KCNIP1: variants seen among roughly 807,000 people sequenced by gnomAD.
KCNIP1 encodes potassium voltage-gated channel interacting protein 1, also known as A-type potassium channel modulatory protein KCNIP1.
KCNIP1 carries 18 observed loss-of-function variants against 33.0 expected under a neutral mutation model. That is an observed-to-expected ratio of 0.55 (90% CI 0.38 to 0.81). The LOEUF (loss-of-function observed/expected upper bound fraction) is 0.81. KCNIP1 is among the 30% of genes least tolerant of loss of function. The pLI, the probability that KCNIP1 is intolerant of heterozygous loss-of-function variation, is 0.00. For synonymous variants in KCNIP1, 93 were observed against 98.3 expected (o/e 0.95, Z 0.32); for missense variants, 238 against 271.6 (o/e 0.88, Z 0.87).
intron 1 of KCNIP1, among the ~76,000 whole-genome samples, chr5:170,522,463 T>A (rs980540535): frequency 6.6e-6 from 1 of 152,228 alleles, no homozygotes; most frequent in African/African-American, 2.4e-5. Context: ...GCATGGCAGT[T>A]GCATTTCTCA....
chr5:170,732,051 A>C (rs1764224670), intron 5 of KCNIP1, among the ~76,000 whole-genome samples: 1 of 152,184 alleles, frequency 6.6e-6, no homozygotes, highest in African/African-American at 2.4e-5. Context: ...AACTCTCTGT[A>C]CTAATTTTGT....
chr5:170,391,112 A>T (rs868335064), intron 1 of KCNIP1, among the ~76,000 whole-genome samples: 1 of 152,186 alleles, frequency 6.6e-6, no homozygotes, highest in African/African-American at 2.4e-5. Context: ...GGGATGTAGG[A>T]TCTGGAATTC....
At chr5:170,717,450 T>G (rs557915903) in intron 1 of KCNIP1, among the ~76,000 whole-genome samples, 1 of 152,298 alleles carries the variant, frequency 6.6e-6, no homozygotes, top group Non-Finnish European at 1.5e-5. Context: ...TCTGCCTTAG[T>G]CCCAGCAGGA....
chr5:170,398,274 C>T (rs1754810244), intron 1 of KCNIP1, among the ~76,000 whole-genome samples: 2 of 152,124 alleles, frequency 1.3e-5, no homozygotes, highest in Admixed American at 6.5e-5. Context: ...TTTTGGTTTA[C>T]GAATGTTTGC....
At chr5:170,612,622 A>G (rs1464810111) in intron 1 of KCNIP1, among the ~76,000 whole-genome samples, 1 of 152,194 alleles carries the variant, frequency 6.6e-6, no homozygotes, top group Non-Finnish European at 1.5e-5. Flanking sequence ...TCCTGAGTCT[A>G]GGAAGATGGA....
At chr5:170,709,550 A>T (rs1763375031) in intron 1 of KCNIP1, among the ~76,000 whole-genome samples, 5 of 152,114 alleles carry the variant, frequency 3.3e-5, no homozygotes, top group Admixed American at 3.3e-4. Context: ...GCAGCATTTA[A>T]TCAGGGTTTG....
chr5:170,643,759 C>A (rs1413601934), intron 1 of KCNIP1, among the ~76,000 whole-genome samples: 1 of 152,216 alleles, frequency 6.6e-6, no homozygotes, highest in Admixed American at 6.5e-5. Context: ...ATCAGGAAGG[C>A]AGGGGATCTG....
At chr5:170,690,162 G>A (rs1446899308) in intron 1 of KCNIP1, among the ~76,000 whole-genome samples, 2 of 152,126 alleles carry the variant, frequency 1.3e-5, no homozygotes, top group Admixed American at 6.5e-5. Flanking sequence ...GATGAATGAC[G>A]GCCCTAAGCA....
chr5:170,659,012 C>A (rs1216941105), intron 1 of KCNIP1, among the ~76,000 whole-genome samples: 2 of 152,098 alleles, frequency 1.3e-5, no homozygotes, highest in Non-Finnish European at 2.9e-5. Flanking sequence ...TTTAGGTTGT[C>A]CCCGGGCCCA....
chr5:170,721,357 T>G (rs1763814423), intron 3 of KCNIP1, among the ~76,000 whole-genome samples: 1 of 152,164 alleles, frequency 6.6e-6, no homozygotes, highest in Admixed American at 6.5e-5. Flanking sequence ...TTTTAAAAAA[T>G]TTCAAGAGAT....
At chr5:170,667,312 CAA>C (rs35041879) in intron 1 of KCNIP1, among the ~76,000 whole-genome samples, 6 of 136,644 alleles carry the variant, frequency 4.4e-5, no homozygotes, top group Non-Finnish European at 3.2e-5. Context: ...AACTCCGTCT[CAA>C]AAAAAAAAAA....
chr5:170,588,031 T>TTC (rs1758065117), intron 1 of KCNIP1, among the ~76,000 whole-genome samples: 1 of 152,234 alleles, frequency 6.6e-6, no homozygotes, highest in Non-Finnish European at 1.5e-5. Context: ...TTTCATGGGT[T>TTC]AAGGACCTGT....
intron 1 of KCNIP1, among the ~76,000 whole-genome samples, chr5:170,595,785 C>T (rs1426315885): frequency 6.6e-6 from 1 of 152,154 alleles, no homozygotes; most frequent in Non-Finnish European, 1.5e-5. Context: ...AGATTTGAAC[C>T]CAAGACTCTA....
intron 1 of KCNIP1, among the ~76,000 whole-genome samples, chr5:170,364,293 C>G (rs116329115): frequency 4.7e-4 from 72 of 152,326 alleles, no homozygotes; most frequent in African/African-American, 1.6e-3. Flanking sequence ...GGCTGCCATA[C>G]CTGGCCCTCA....
chr5:170,498,747 G>A (rs2113218043), intron 1 of KCNIP1, among the ~76,000 whole-genome samples: 1 of 152,296 alleles, frequency 6.6e-6, no homozygotes, highest in South Asian at 2.1e-4. Flanking sequence ...AACAATAAAG[G>A]ACATTTGCAG....
intron 1 of KCNIP1, among the ~76,000 whole-genome samples, chr5:170,604,509 C>T (rs1758823016): frequency 6.6e-6 from 1 of 152,192 alleles, no homozygotes; most frequent in African/African-American, 2.4e-5. Context: ...TTTGCTGTGG[C>T]TCATCTCACA....
At chr5:170,418,685 C>T (rs2113422218) in intron 1 of KCNIP1, among the ~76,000 whole-genome samples, 1 of 152,324 alleles carries the variant, frequency 6.6e-6, no homozygotes, top group African/African-American at 2.4e-5. Context: ...TCCTCCTCAC[C>T]ACTAACACCC....
chr5:170,409,779 A>G lies in KCNIP1; in HGVS notation c.88+55815A>G, dbSNP rs764019979. On this transcript the variant is annotated intron_variant, in intron 1 of 7. Transcript: ENST00000377360. ...CCCTGTGTGCTGCTAAGAGCTGAGG[A>G]ATTTGGTTGAGTTACATACCCTCAG... Among the ~76,000 whole-genome samples, 3 of 152,078 alleles carry G rather than the reference A, an allele frequency of 2.0e-5. No homozygotes were observed. The South Asian group carries it at 6.2e-4, about 32-fold the overall frequency.
chr5:170,378,497 T>G, intron 1 of KCNIP1: 4 of 602,146 alleles, frequency 6.6e-6, no homozygotes, highest in Non-Finnish European at 8.6e-6. Context: ...CTCCAAGGCA[T>G]TGGGGAGCCA....
Sources: gnomAD v4.1 joint callset for allele counts (sites outside exome capture counted in the v4.1 genomes callset) on GRCh38, gnomAD v4.1.1 for gene constraint, MANE v1.5 for transcripts, NCBI Gene and HGNC (gene_info 2026-07-23, HGNC 2026-07-21) for gene names.